The following FRS2 variants were observed in gnomAD, a reference collection of about 807,000 sequenced individuals.
FRS2 encodes the protein FGFR signalling adaptor.
A neutral mutation model predicts 43.9 loss-of-function variants in FRS2; 8 were observed. The ratio of observed to expected loss-of-function variants is 0.18; its 90% CI spans 0.11 to 0.33. The LOEUF is 0.33. Ranked by LOEUF, FRS2 falls within the 10% of genes least tolerant of loss-of-function variation. FRS2 has a pLI of 1.00. For missense variants in FRS2, 534 were observed against 627.6 expected (o/e 0.85, Z 1.59); for synonymous variants, 219 against 220.3 (o/e 0.99, Z 0.05).
intron 1 of FRS2, among the ~76,000 whole-genome samples, chr12:69,490,633 C>G (rs1413982232): frequency 2.6e-5 from 4 of 152,096 alleles, no homozygotes; most frequent in Non-Finnish European, 5.9e-5. Context: ...TGGTGAAGCA[C>G]AGTTTGTAGA....
intron 1 of FRS2, among the ~76,000 whole-genome samples, chr12:69,485,082 A>AC (rs1871712637): frequency 3.5e-5 from 3 of 85,304 alleles, no homozygotes; most frequent in African/African-American, 1.7e-4. Flanking sequence ...CTCATCTTAA[A>AC]ACACACACAC....
intron 1 of FRS2, among the ~76,000 whole-genome samples, chr12:69,485,333 A>C (rs1871819442): frequency 6.8e-6 from 1 of 147,726 alleles, no homozygotes; most frequent in Admixed American, 6.8e-5. Flanking sequence ...CAGGCGCCCG[A>C]CACCACGCCT....
intron 1 of FRS2, chr12:69,491,690 G>A (rs1872512529): frequency 6.6e-6 from 1 of 151,666 alleles, no homozygotes; most frequent in Non-Finnish European, 1.5e-5. Context: ...TTAAAATTTT[G>A]TTGTAGAGAC....
intron 6 of FRS2, 92 bp downstream of exon 6, chr12:69,570,609 GA>G (rs147782756): frequency 5.3e-6 from 4 of 756,406 alleles, no homozygotes; most frequent in South Asian, 1.9e-5. Flanking sequence ...TTTTTCTTCT[GA>G]AAAAAATCCC....
rs1326774098 is a variant in FRS2, at chr12:69,577,380, A to G, written c.*2425A>G. On this transcript the variant is annotated 3_prime_UTR_variant, in exon 9 of 9. Coordinates refer to ENST00000549921, the MANE Select transcript of FRS2 (RefSeq NM_001278356.2). ...ATTTAGAATACTACTTGTCCTTTGC[A>G]GTAGTTTAGTAATGGGCATTAAGCT... The G allele has an allele frequency of 1.3e-5, 2 of 152,152 alleles. No individual in the cohort carries two copies. Among genetic ancestry groups the G allele is most frequent in the Non-Finnish European group, 2.9e-5 (2 of 68,010 alleles). 9.4% of individuals were successfully genotyped at this position (152,152 alleles called of 1,614,324 possible).
At chr12:69,500,954 G>T (rs779452852) in intron 1 of FRS2, among the ~76,000 whole-genome samples, 12 of 152,074 alleles carry the variant, frequency 7.9e-5, no homozygotes, top group Non-Finnish European at 1.3e-4. Context: ...CACATTTTTG[G>T]AAGTTCTTTA....
At chr12:69,492,900 A>C (rs1426675420) in intron 1 of FRS2, among the ~76,000 whole-genome samples, 3 of 152,212 alleles carry the variant, frequency 2.0e-5, no homozygotes, top group Non-Finnish European at 4.4e-5. Context: ...GTTTATGAGC[A>C]TCAACAAACA....
rs549780643 is a variant in FRS2, at chr12:69,556,767, T to C, written c.-121-5413T>C. ...TTATGGTTTGAATAATATTAGTTCG[T>C]GTATTTAACATGAATCTTGAAATTA... On this transcript the variant is annotated intron_variant, in intron 3 of 8. Coordinates refer to ENST00000549921, the MANE Select transcript of FRS2 (RefSeq NM_001278356.2). Among the ~76,000 whole-genome samples, 87 of 152,372 alleles carry C rather than the reference T, an allele frequency of 5.7e-4. 1 individual carries two copies. The highest frequency in any genetic ancestry group is 3.4e-3 in the Middle Eastern group (1 of 294).
intron 1 of FRS2, among the ~76,000 whole-genome samples, chr12:69,515,335 T>G (rs529091574): frequency 6.6e-6 from 1 of 152,380 alleles, no homozygotes; most frequent in South Asian, 2.1e-4. Flanking sequence ...TTTCTGGCTT[T>G]AATTTTTTCT....
Position 69,530,907 on chromosome 12 carries a change from A to G in FRS2, c.-218A>G, listed in dbSNP as rs1231461168. ...TAGATGCCCAGATGCAAAAGTGATGAAACAGTCCATTTGTCATAAAGTAAG... is the reference window on the plus strand; with the variant it reads ...TAGATGCCCAGATGCAAAAGTGATGGAACAGTCCATTTGTCATAAAGTAAG... On this transcript the variant is annotated 5_prime_UTR_variant, in exon 2 of 9. Transcript: ENST00000549921. 6.5e-6 allele frequency: 1 copy of G among 152,672 alleles called. No individual in the cohort carries two copies. Among genetic ancestry groups the G allele is most frequent in the Non-Finnish European group, 1.5e-5 (1 of 68,056 alleles). 9.5% of individuals were successfully genotyped at this position (152,672 alleles called of 1,614,324 possible).
chr12:69,483,651 A>G (rs984280174), intron 1 of FRS2, among the ~76,000 whole-genome samples: 3 of 152,146 alleles, frequency 2.0e-5, no homozygotes, highest in East Asian at 1.9e-4. Context: ...GTCACCATCC[A>G]TCATATTTAG....
At chr12:69,520,474 G>A (rs193158964) in intron 1 of FRS2, among the ~76,000 whole-genome samples, 15 of 146,598 alleles carry the variant, frequency 1.0e-4, no homozygotes, top group Admixed American at 6.4e-4. Flanking sequence ...TGGCATCTTC[G>A]TCATGAAATC....
intron 1 of FRS2, among the ~76,000 whole-genome samples, chr12:69,506,540 G>A (rs958194699): frequency 2.6e-5 from 4 of 151,710 alleles, no homozygotes; most frequent in African/African-American, 9.7e-5. Flanking sequence ...GCAAAATCCA[G>A]AGAGAGAGAG....
intron 1 of FRS2, among the ~76,000 whole-genome samples, chr12:69,519,444 G>A (rs1875403632): frequency 6.6e-6 from 1 of 152,178 alleles, no homozygotes; most frequent in South Asian, 2.1e-4. Flanking sequence ...ACGTGTGCAA[G>A]TTTGTTATAT....
chr12:69,535,939 T>G (rs1263923584), intron 3 of FRS2, among the ~76,000 whole-genome samples: 1 of 151,922 alleles, frequency 6.6e-6, no homozygotes, highest in Non-Finnish European at 1.5e-5. Flanking sequence ...AGAATTAGAA[T>G]TGTTTTATCT....
intron 3 of FRS2, among the ~76,000 whole-genome samples, chr12:69,541,755 G>A (rs1328049748): frequency 1.3e-5 from 2 of 150,354 alleles, no homozygotes; most frequent in African/African-American, 2.5e-5. Context: ...AGCCCTGGAG[G>A]TGGAGGTTGC....
chr12:69,536,134 TTTTTTTTG>T (rs1287999717), intron 3 of FRS2, among the ~76,000 whole-genome samples: 8 of 40,162 alleles, frequency 2.0e-4, no homozygotes, highest in African/African-American at 1.2e-3. Flanking sequence ...TTTTTTTTTT[TTTTTTTTG>T]GAGACGAAGT....
chr12:69,567,855 G>C (rs1880427554), intron 4 of FRS2, among the ~76,000 whole-genome samples: 1 of 151,946 alleles, frequency 6.6e-6, no homozygotes, highest in South Asian at 2.1e-4. Flanking sequence ...GGAGAGTCTA[G>C]ACTGGATCTG....
At chr12:69,490,797 C>T (rs996734532) in intron 1 of FRS2, among the ~76,000 whole-genome samples, 1 of 152,200 alleles carries the variant, frequency 6.6e-6, no homozygotes, top group Admixed American at 6.5e-5. Context: ...AATAAGTCCT[C>T]TACCTATGGT....
Sources: gnomAD v4.1 joint callset for allele counts (sites outside exome capture counted in the v4.1 genomes callset) on GRCh38, gnomAD v4.1.1 for gene constraint, MANE v1.5 for transcripts, NCBI Gene and HGNC (gene_info 2026-07-23, HGNC 2026-07-21) for gene names.